A2ML1: variants seen among roughly 807,000 people sequenced by gnomAD.
The protein encoded by A2ML1 is alpha-2-macroglobulin-like protein 1.
Under a neutral mutation model 181.9 loss-of-function variants are expected in A2ML1, and 161 were observed. That is an observed-to-expected ratio of 0.89 (90% CI 0.78 to 1.01). A2ML1 has a LOEUF of 1.01. Among genes scored for constraint, A2ML1 ranks in the 50% least tolerant of loss-of-function variants. A2ML1 has a pLI of 0.00. For synonymous variants in A2ML1, 663 were observed against 666.8 expected, an observed-to-expected ratio of 0.99 and a Z score of 0.09; for missense variants, 1,670 against 1,768.1, an observed-to-expected ratio of 0.94 and a Z score of 1.00.
intron 7 of A2ML1, among the ~76,000 whole-genome samples, chr12:8,882,361 T>C (rs1379850215): frequency 2.0e-5 from 3 of 152,160 alleles, no homozygotes; most frequent in Non-Finnish European, 4.4e-5. Context: ...AAGGATTTGG[T>C]AGGAAGTGGA....
chr12:8,831,172 G>T (rs1361473814), intron 4 of A2ML1, among the ~76,000 whole-genome samples: 2 of 151,976 alleles, frequency 1.3e-5, no homozygotes, highest in Non-Finnish European at 2.9e-5. Flanking sequence ...TGTTGCGCAG[G>T]CCGGTCTTGA....
downstream of A2ML1, among the ~76,000 whole-genome samples, chr12:8,880,257 T>C (rs372671252): frequency 6.6e-6 from 1 of 151,926 alleles, no homozygotes; most frequent in Non-Finnish European, 1.5e-5. Context: ...TCCCAGCTAA[T>C]TGGGAGGCTG....
At chr12:8,851,559 C>A (rs762272606) in intron 18 of A2ML1, among the ~76,000 whole-genome samples, 1 of 152,186 alleles carries the variant, frequency 6.6e-6, no homozygotes, top group Non-Finnish European at 1.5e-5. Context: ...GCATGCACCA[C>A]CACACCTGGC....
Position 8,855,524 on chromosome 12 carries a change from A to C in A2ML1, c.2780A>C (p.Glu927Ala). 1.2e-6 allele frequency: 2 copies of C among 1,614,142 alleles called. No individual in the cohort carries two copies. Among genetic ancestry groups the C allele is most frequent in the Non-Finnish European group, 1.7e-6 (2 of 1,180,010 alleles). ...CATCTCACAGGAAAGGTGGCATCTG[A>C]ATCTGTCTCCCTGGAGCTCCCAGTG... ...LLCPKGKVASESVSLELPVDI... is the reference protein window; with the variant it reads ...LLCPKGKVASASVSLELPVDI... Residue 927 changes from glutamate (E) to alanine (A), a missense_variant, in exon 23 of 36, where the codon GAA becomes GCA. Glu to Ala is a moderately radical substitution (Grantham distance 107). Coordinates refer to ENST00000299698, the MANE Select transcript of A2ML1 (RefSeq NM_144670.6).
intron 7 of A2ML1, among the ~76,000 whole-genome samples, chr12:8,884,621 C>T (rs1489496133): frequency 6.6e-6 from 1 of 152,186 alleles, no homozygotes; most frequent in Non-Finnish European, 1.5e-5. Flanking sequence ...ACTGCAACCT[C>T]CACTTCTTGG....
In A2ML1 at chr12:8,845,319, C is replaced by T. The variant is rs7301066; in HGVS notation, c.1477-123C>T. 25,432 of 1,414,156 alleles carry T rather than the reference C, an allele frequency of 0.018. 1,670 individuals carry two copies. The African/African-American group carries it at 0.21, about 11-fold the overall frequency. 87.6% of individuals were successfully genotyped at this position (1,414,156 alleles called of 1,614,324 possible). ...TAGTGGATGCTGGGTGAGGTATTGA[C>T]CCGGACTCTGAACTGTGAAAGGAAC... On this transcript the variant is annotated intron_variant, in intron 12 of 35. Transcript: ENST00000299698.
intron 10 of A2ML1, among the ~76,000 whole-genome samples, chr12:8,841,046 G>A (rs1943463856): frequency 6.6e-6 from 1 of 150,806 alleles, no homozygotes; most frequent in African/African-American, 2.4e-5. Context: ...AAAGAAAAAA[G>A]AAAGCAAAAC....
At chr12:8,862,374 G>A (rs774844175) in intron 28 of A2ML1, among the ~76,000 whole-genome samples, 14 of 151,988 alleles carry the variant, frequency 9.2e-5, no homozygotes, top group African/African-American at 3.4e-4. Flanking sequence ...GCTAATCTTT[G>A]TATTTTTAGT....
chr12:8,834,690 G>A lies in A2ML1; in HGVS notation c.483+8G>A. 1 of 1,614,076 alleles carries A rather than the reference G, an allele frequency of 6.2e-7. No homozygotes were observed. The highest frequency in any genetic ancestry group is 8.5e-7 in the Non-Finnish European group (1 of 1,179,980). ...TCCATGGTGGAACTACAGGTAAGCGGAAGTTTCTTTCTCTTCTCTGTCAGT... is the reference window on the plus strand; with the variant it reads ...TCCATGGTGGAACTACAGGTAAGCGAAAGTTTCTTTCTCTTCTCTGTCAGT... On this transcript the variant is annotated splice_region_variant and intron_variant, in intron 5 of 35. Coordinates refer to ENST00000299698, the MANE Select transcript of A2ML1 (RefSeq NM_144670.6).
downstream of A2ML1, among the ~76,000 whole-genome samples, chr12:8,881,523 C>A (rs529304254): frequency 6.6e-6 from 1 of 152,282 alleles, no homozygotes; most frequent in East Asian, 1.9e-4. Context: ...GGGAGAGAGA[C>A]ACTTTCCTTC....
chr12:8,864,246 C>CT (rs1407550815), intron 29 of A2ML1, among the ~76,000 whole-genome samples: 6 of 145,244 alleles, frequency 4.1e-5, no homozygotes, highest in Non-Finnish European at 9.0e-5. Flanking sequence ...GGCATGGTGG[C>CT]TCATGCCTGT....
chr12:8,848,416 G>A (rs1318843620), intron 15 of A2ML1, among the ~76,000 whole-genome samples: 1 of 151,988 alleles, frequency 6.6e-6, no homozygotes, highest in African/African-American at 2.4e-5. Context: ...GGGAGGCAGA[G>A]GTTGCAGTGA....
intron 10 of A2ML1, among the ~76,000 whole-genome samples, chr12:8,839,593 A>G (rs1943400199): frequency 6.6e-6 from 1 of 152,132 alleles, no homozygotes. Flanking sequence ...CCAGGGGCTG[A>G]TCTTCTAATG....
chr12:8,887,091 G>C (rs1355024316), downstream of A2ML1: 1 of 151,890 alleles, frequency 6.6e-6, no homozygotes, highest in African/African-American at 2.4e-5. Context: ...CCAGGAGGTC[G>C]AGCCAAGATC....
chr12:8,861,636 C>T (rs746620732), intron 28 of A2ML1, among the ~76,000 whole-genome samples: 99 of 150,548 alleles, frequency 6.6e-4, no homozygotes, highest in South Asian at 1.7e-3. Context: ...TACAGGCGCC[C>T]ACCACCACGC....
intron 3 of A2ML1, among the ~76,000 whole-genome samples, chr12:8,825,191 T>A (rs1592097301): frequency 1.3e-5 from 2 of 152,214 alleles, no homozygotes; most frequent in African/African-American, 4.8e-5. Context: ...ATAGTGGTTG[T>A]ACTAATTTAC....
At chr12:8,885,086 A>G (rs1356346673) in intron 7 of A2ML1, among the ~76,000 whole-genome samples, 1 of 151,982 alleles carries the variant, frequency 6.6e-6, no homozygotes, top group Non-Finnish European at 1.5e-5. Context: ...TCTAGATCAG[A>G]GGACTTTGTG....
chr12:8,824,404 TA>T (rs1217440172), intron 3 of A2ML1, among the ~76,000 whole-genome samples: 2 of 151,882 alleles, frequency 1.3e-5, no homozygotes, highest in Middle Eastern at 3.2e-3. Context: ...GTAGATGAGA[TA>T]TTTTTATACA....
At chr12:8,875,439 CT>C (rs10607981) in intron 35 of A2ML1, 36,255 of 144,728 alleles carry the variant, frequency 0.25, 4,439 homozygotes, top group Middle Eastern at 0.36. Flanking sequence ...TTGTCTTAAA[CT>C]TTTTTTTTTT....
Sources: allele counts gnomAD v4.1 joint callset (sites outside exome capture counted in the v4.1 genomes callset), GRCh38; gene constraint gnomAD v4.1.1; transcripts MANE v1.5; gene names NCBI Gene and HGNC (gene_info 2026-07-23, HGNC 2026-07-21).